BCAR3: variants seen among roughly 807,000 people sequenced by gnomAD.
The protein encoded by BCAR3 is breast cancer anti-estrogen resistance protein 3.
Under a neutral mutation model 80.1 loss-of-function variants are expected in BCAR3, and 37 were observed. The ratio of observed to expected loss-of-function variants is 0.46; its 90% CI spans 0.36 to 0.61. The LOEUF (loss-of-function observed/expected upper bound fraction) is 0.61. Ranked by LOEUF, BCAR3 falls within the 20% of genes least tolerant of loss-of-function variation. BCAR3 has a pLI of 0.00. For missense variants in BCAR3, 978 were observed against 1,068.2 expected, an observed-to-expected ratio of 0.92 and a Z score of 1.18; for synonymous variants, 389 against 418.9, an observed-to-expected ratio of 0.93 and a Z score of 0.87.
chr1:93,610,122 C>A (rs1216861341), intron 3 of BCAR3, among the ~76,000 whole-genome samples: 2 of 152,256 alleles, frequency 1.3e-5, no homozygotes, highest in Non-Finnish European at 2.9e-5. Flanking sequence ...TCCGAGGTAC[C>A]ACAACCGGTG....
chr1:93,729,995 A>C lies in BCAR3; in HGVS notation c.-62-23853T>G, dbSNP rs186844039. ...TAAATCTATTATCAAACACTAGTGC[A>C]TTTTATGTCTTAAATTGTATAGAAC... On this transcript the variant is annotated intron_variant, in intron 2 of 13. Transcript: ENST00000370244. 2.6e-5 allele frequency among the ~76,000 whole-genome samples: 4 copies of C among 152,368 alleles called. No homozygotes were observed. The East Asian group carries it at 7.7e-4, about 29-fold the overall frequency.
chr1:93,782,380 C>A (rs1480425915), intron 2 of BCAR3, among the ~76,000 whole-genome samples: 1 of 152,152 alleles, frequency 6.6e-6, no homozygotes, highest in Non-Finnish European at 1.5e-5. Context: ...TGAAACCATC[C>A]AAGTACTTTA....
chr1:93,799,145 A>G (rs1653388855), intron 2 of BCAR3, among the ~76,000 whole-genome samples: 1 of 152,190 alleles, frequency 6.6e-6, no homozygotes, highest in Non-Finnish European at 1.5e-5. Context: ...CCCTCCAACA[A>G]GGGGGCAGCC....
At chr1:93,567,712 C>T (rs983416395) in intron 10 of BCAR3, 28 bp downstream of exon 10, 3 of 1,590,164 alleles carry the variant, frequency 1.9e-6, no homozygotes, top group Non-Finnish European at 2.6e-6. Flanking sequence ...GCGGGGTAGC[C>T]CCATGCTTGC....
chr1:93,844,969 A>G (rs1252902767), intron 2 of BCAR3, among the ~76,000 whole-genome samples: 1 of 151,974 alleles, frequency 6.6e-6, no homozygotes, highest in African/African-American at 2.4e-5. Context: ...GTCTGCTAAC[A>G]CTGTATCTCT....
At chr1:93,672,321 T>A (rs1648250944) in intron 2 of BCAR3, among the ~76,000 whole-genome samples, 1 of 152,116 alleles carries the variant, frequency 6.6e-6, no homozygotes, top group East Asian at 1.9e-4. Flanking sequence ...CACTACTGCC[T>A]CCCCACCCAC....
rs755552707 is a variant in BCAR3 at position 93,674,671 on chromosome 1, T to G, written c.260A>C (p.Gln87Pro). The G allele has an allele frequency of 6.2e-6, 10 of 1,613,948 alleles. No individual in the cohort carries two copies. In the Admixed American group the frequency reaches 1.2e-4, roughly 19 times the overall value. ...CCATGGGCTCTCCTGGATGCCATCC[T>G]GGGTCACAGGCGAGTTCTGCCGTGG... is the stretch of plus-strand genomic sequence containing the variant. ...KSPRQNSPVT[Q>P]DGIQESPWQD... Residue 87 changes from glutamine to proline, a missense_variant, in exon 2 of 12, where the codon CAG becomes CCG. By Grantham distance (76) the Gln-to-Pro change is moderately conservative. Transcript: ENST00000260502.
chr1:93,810,913 A>C (rs1028784040), intron 2 of BCAR3, among the ~76,000 whole-genome samples: 4 of 152,216 alleles, frequency 2.6e-5, no homozygotes, highest in Admixed American at 6.5e-5. Context: ...CAGAGAGGTG[A>C]AGTCATTTGT....
At chr1:93,775,111 A>G (rs897027173) in intron 2 of BCAR3, 3 of 152,224 alleles carry the variant, frequency 2.0e-5, no homozygotes, top group Non-Finnish European at 4.4e-5. Context: ...ACCACCAGCT[A>G]AGCAATTGCT....
intron 3 of BCAR3, among the ~76,000 whole-genome samples, chr1:93,633,812 T>G (rs1675696969): frequency 6.6e-6 from 1 of 152,208 alleles, no homozygotes; most frequent in South Asian, 2.1e-4. Context: ...TTTTTGTATT[T>G]TTTTAGTTAG....
chr1:93,672,477 C>G (rs542731421), intron 2 of BCAR3, among the ~76,000 whole-genome samples: 2 of 152,168 alleles, frequency 1.3e-5, no homozygotes, highest in Admixed American at 1.3e-4. Flanking sequence ...GAAAAGCGGT[C>G]CACCATAAGC....
intron 2 of BCAR3, among the ~76,000 whole-genome samples, chr1:93,722,432 C>T (rs900428517): frequency 2.0e-5 from 3 of 152,194 alleles, no homozygotes; most frequent in African/African-American, 4.8e-5. Context: ...TGACCCGCCA[C>T]GGTCCATGGG....
chr1:93,818,332 A>G (rs911659748), intron 2 of BCAR3, among the ~76,000 whole-genome samples: 4 of 152,162 alleles, frequency 2.6e-5, no homozygotes, highest in African/African-American at 9.7e-5. Flanking sequence ...AGCTGACGTT[A>G]ATCTTCAATG....
intron 2 of BCAR3, among the ~76,000 whole-genome samples, chr1:93,760,928 G>C (rs544133694): frequency 6.6e-6 from 1 of 152,150 alleles, no homozygotes; most frequent in African/African-American, 2.4e-5. Flanking sequence ...GAGGAGCAAG[G>C]CATGTGACTG....
At chr1:93,836,916 C>A (rs1654789850) in intron 2 of BCAR3, among the ~76,000 whole-genome samples, 1 of 152,092 alleles carries the variant, frequency 6.6e-6, no homozygotes, top group South Asian at 2.1e-4. Flanking sequence ...AGAGAAAAAC[C>A]CCCTTTGACT....
chr1:93,837,255 A>C (rs1030049912), intron 2 of BCAR3, among the ~76,000 whole-genome samples: 1 of 152,176 alleles, frequency 6.6e-6, no homozygotes, highest in Non-Finnish European at 1.5e-5. Context: ...TAAATAAATT[A>C]CCCTGTCTGA....
intron 2 of BCAR3, among the ~76,000 whole-genome samples, chr1:93,712,287 CCTTGGT>C (rs1275896726): frequency 6.6e-6 from 1 of 152,232 alleles, no homozygotes; most frequent in Non-Finnish European, 1.5e-5. Context: ...CCCATGCTTC[CCTTGGT>C]CTCAAGAATG....
Position 93,743,027 on chromosome 1 carries a change from C to G in BCAR3, c.-62-36885G>C, listed in dbSNP as rs540173197. ...CATTCTTTATTTTAAAAAATGCAAT[C>G]TATTTTATTAAATCATATGTATTGA... On this transcript the variant is annotated intron_variant, in intron 2 of 13. Coordinates refer to the BCAR3 transcript ENST00000370244. Among the ~76,000 whole-genome samples the G allele has an allele frequency of 2.0e-5, 3 of 152,226 alleles. No homozygotes were observed. In the South Asian group the frequency reaches 6.2e-4, roughly 32 times the overall value.
intron 2 of BCAR3, among the ~76,000 whole-genome samples, chr1:93,706,335 T>C (rs1439261396): frequency 6.6e-6 from 1 of 152,158 alleles, no homozygotes; most frequent in African/African-American, 2.4e-5. Context: ...CCATTCTGCC[T>C]AGATGTTTCT....
Sources: allele counts gnomAD v4.1 joint callset (sites outside exome capture counted in the v4.1 genomes callset), GRCh38; gene constraint gnomAD v4.1.1; transcripts MANE v1.5; gene names NCBI Gene and HGNC (gene_info 2026-07-23, HGNC 2026-07-21).